ABCA10: variants seen among roughly 807,000 people sequenced by gnomAD.
ABCA10 encodes ATP binding cassette subfamily A member 10, also known as ATP-binding cassette sub-family A member 10.
ABCA10 carries 169 observed loss-of-function variants against 187.5 expected under a neutral mutation model. That is an observed-to-expected ratio of 0.90 (90% CI 0.80 to 1.02). The LOEUF (loss-of-function observed/expected upper bound fraction) is 1.02, where lower values mean the gene tolerates loss of function less well. ABCA10 is among the 50% of genes least tolerant of loss of function. The pLI, the probability that ABCA10 is intolerant of heterozygous loss-of-function variation, is 0.00. For synonymous variants in ABCA10, 574 were observed against 601.8 expected, an observed-to-expected ratio of 0.95 and a Z score of 0.68; for missense variants, 1,727 against 1,812.4, an observed-to-expected ratio of 0.95 and a Z score of 0.86.
chr17:69,173,538 GCT>G (rs1459547638), intron 25 of ABCA10, among the ~76,000 whole-genome samples: 1 of 152,104 alleles, frequency 6.6e-6, no homozygotes, highest in Non-Finnish European at 1.5e-5. Flanking sequence ...TGTAGACCTT[GCT>G]CTCTTTCTCA....
At chr17:69,231,033 A>C (rs560870763), upstream of ABCA10, among the ~76,000 whole-genome samples, 7 of 152,184 alleles carry the variant, frequency 4.6e-5, no homozygotes, top group African/African-American at 1.7e-4. Flanking sequence ...CCATTGTATT[A>C]GTTTCCTAGG....
At chr17:69,169,972 T>C (rs2074284574) in intron 25 of ABCA10, among the ~76,000 whole-genome samples, 1 of 152,120 alleles carries the variant, frequency 6.6e-6, no homozygotes, top group Admixed American at 6.6e-5. Context: ...GCAATATATC[T>C]TCAGTATTCT....
intron 9 of ABCA10, among the ~76,000 whole-genome samples, chr17:69,213,231 C>T (rs2074673889): frequency 6.6e-6 from 1 of 152,242 alleles, no homozygotes; most frequent in South Asian, 2.1e-4. Context: ...AGGATAAGTA[C>T]TCTGGTTTCT....
chr17:69,154,871 A>C, intron 30 of ABCA10, 148 bp downstream of exon 30: 1 of 543,974 alleles, frequency 1.8e-6, no homozygotes, highest in Non-Finnish European at 3.2e-6. Flanking sequence ...GAAAAGACTT[A>C]TCTGCTGACA....
chr17:69,216,798 C>T (rs2074709416), intron 6 of ABCA10, among the ~76,000 whole-genome samples: 1 of 152,084 alleles, frequency 6.6e-6, no homozygotes, highest in Admixed American at 6.5e-5. Flanking sequence ...CTAAGGTATA[C>T]CATTCTTCTG....
At chr17:69,201,851 C>A (rs1294914392) in intron 9 of ABCA10, among the ~76,000 whole-genome samples, 183 bp from the exon 10 acceptor site, 1 of 152,110 alleles carries the variant, frequency 6.6e-6, no homozygotes, top group East Asian at 1.9e-4. Flanking sequence ...ATGGCACGAT[C>A]CTGGCTCACC....
At chr17:69,205,971 T>C (rs1013632023) in intron 9 of ABCA10, among the ~76,000 whole-genome samples, 5 of 152,190 alleles carry the variant, frequency 3.3e-5, no homozygotes, top group Admixed American at 1.3e-4. Context: ...CAGAAGATCA[T>C]GAAGCGGAAA....
chr17:69,195,554 C>CTTTTTTTTTTTTTTTTTTTTTTTTTGTT (rs59069489), intron 11 of ABCA10, among the ~76,000 whole-genome samples: 1 of 102,952 alleles, frequency 9.7e-6, no homozygotes, highest in Non-Finnish European at 1.8e-5. Flanking sequence ...TGAAGTTTTT[C>CTTTTTTTTTTTTTTTTTTTTTTTTTGTT]TTTTTTTTTT....
In ABCA10 at chr17:69,151,756, A is replaced by G. The variant is rs569484898; in HGVS notation, c.4397+287T>C. On this transcript the variant is annotated intron_variant, in intron 36 of 38. Transcript: ENST00000690296. ...TTTTTTAAAAATCATTAAAAAGTTGATAGTTTAATTTGTCTGTACTTTGTT... is the reference window on the plus strand; with the variant it reads ...TTTTTTAAAAATCATTAAAAAGTTGGTAGTTTAATTTGTCTGTACTTTGTT... 3.3e-5 allele frequency among the ~76,000 whole-genome samples: 5 copies of G among 152,308 alleles called. No individual in the cohort carries two copies. In the East Asian group the frequency reaches 9.6e-4, roughly 29 times the overall value.
chr17:69,171,934 C>CA (rs555588771), intron 25 of ABCA10, among the ~76,000 whole-genome samples: 34,414 of 79,830 alleles, frequency 0.43, 6,024 homozygotes, highest in East Asian at 0.69. Context: ...TTTGGGAAGC[C>CA]AAAAAAAAAA....
At chr17:69,227,943 T>C (rs2074806646) in intron 1 of ABCA10, among the ~76,000 whole-genome samples, 1 of 152,000 alleles carries the variant, frequency 6.6e-6, no homozygotes, top group Non-Finnish European at 1.5e-5. Context: ...TCCTTATTCT[T>C]TGTTTTCAAT....
chr17:69,217,782 G>A (rs2074717304), intron 6 of ABCA10, among the ~76,000 whole-genome samples: 1 of 151,790 alleles, frequency 6.6e-6, no homozygotes, highest in Non-Finnish European at 1.5e-5. Context: ...TTTGGCAATG[G>A]GTTCTTATAA....
Position 69,193,562 on chromosome 17 carries a change from A to G in ABCA10, c.1572T>C (p.Ile524=). 1 of 1,612,966 alleles carries G rather than the reference A, an allele frequency of 6.2e-7. No individual in the cohort carries two copies. The highest frequency in any genetic ancestry group is 8.5e-7 in the Non-Finnish European group (1 of 1,179,176). ...ELDMQSIQDI[I]AKKLSGGQKR... ...TCTGCCCACCACTTAATTTTTTAGCAATAATGTCTTGAATGCTTTGCATGT... is the reference window on the plus strand; with the variant it reads ...TCTGCCCACCACTTAATTTTTTAGCGATAATGTCTTGAATGCTTTGCATGT... The change falls in exon 14 of 39, where the codon ATT becomes ATC. Residue 524 remains isoleucine (I), a synonymous_variant. Coordinates refer to ENST00000690296, the MANE Select transcript of ABCA10 (RefSeq NM_001377321.1).
intron 1 of ABCA10, among the ~76,000 whole-genome samples, chr17:69,240,211 T>C (rs2074895542): frequency 6.6e-6 from 1 of 152,202 alleles, no homozygotes; most frequent in Non-Finnish European, 1.5e-5. Flanking sequence ...CTGCAGCTCT[T>C]GTGTGATACA....
intron 1 of ABCA10, chr17:69,234,019 G>A (rs548440667): frequency 3.9e-5 from 6 of 152,800 alleles, no homozygotes; most frequent in Non-Finnish European, 5.8e-5. Flanking sequence ...TGTAGCAGGT[G>A]AGGCCAGGGC....
chr17:69,220,863 C>T (rs956597640), intron 5 of ABCA10, among the ~76,000 whole-genome samples: 2 of 152,156 alleles, frequency 1.3e-5, no homozygotes, highest in African/African-American at 4.8e-5. Flanking sequence ...TCTACAGCGG[C>T]TTTCATACTA....
upstream of ABCA10, among the ~76,000 whole-genome samples, chr17:69,230,340 T>A (rs1205691129): frequency 4.6e-5 from 7 of 151,998 alleles, no homozygotes; most frequent in African/African-American, 1.7e-4. Flanking sequence ...AGACAATAAT[T>A]TTAGGGATTT....
At position 69,148,617 on chromosome 17, in the gene ABCA10, T is replaced by G; in HGVS notation, c.*210A>C. 1 of 499,666 alleles carries G rather than the reference T, an allele frequency of 2.0e-6. No individual in the cohort carries two copies. 31.0% of individuals were successfully genotyped at this position (499,666 alleles called of 1,614,324 possible). A position where few individuals can be genotyped will look rare whatever the true frequency, so the allele number is the denominator to read the frequency against. On this transcript the variant is annotated 3_prime_UTR_variant, in exon 39 of 39. Transcript: ENST00000690296. ...AGACCCATGTTGGGGATGAATAACA[T>G]GTCTGATTTTGTTAATTTTGTCTAC...
chr17:69,244,779 A>G (rs1157010679), exon 1 of ABCA10: 1 of 151,380 alleles, frequency 6.6e-6, no homozygotes, highest in Non-Finnish European at 1.5e-5. Flanking sequence ...AACAATAAAA[A>G]CAATAATAAC....
Sources: allele counts gnomAD v4.1 joint callset (sites outside exome capture counted in the v4.1 genomes callset), GRCh38; gene constraint gnomAD v4.1.1; transcripts MANE v1.5; gene names NCBI Gene and HGNC (gene_info 2026-07-23, HGNC 2026-07-21).